Variants in NXPE2 observed in about 807,000 individuals in gnomAD.
NXPE2 encodes the protein NXPE family member 2.
In NXPE2, 34 loss-of-function variants were observed where a neutral mutation model predicts 34.4. The ratio of observed to expected loss-of-function variants is 0.99; its 90% CI spans 0.75 to 1.31. NXPE2 has a LOEUF of 1.31. Ranked by LOEUF, NXPE2 falls within the 40% of genes most tolerant of loss-of-function variation. NXPE2 has a pLI of 0.00. For missense variants in NXPE2, 649 were observed against 672.5 expected, an observed-to-expected ratio of 0.97 and a Z score of 0.39; for synonymous variants, 235 against 231.3, an observed-to-expected ratio of 1.02 and a Z score of -0.15.
the NXPE2 span, chr11:114,554,002 A>C: frequency 1.0e-6 from 1 of 985,396 alleles, no homozygotes; most frequent in Non-Finnish European, 1.2e-6. Flanking sequence ...GTCCAATTGC[A>C]ATGTTTTTTC....
At position 114,704,067 on chromosome 11, in the gene NXPE2, T is replaced by C. The variant is rs1279030272; in HGVS notation, c.928+15T>C. ...ACCATGCAACAGTAAGTCTGGAGTG[T>C]TGTTGTCTGCCATGATCACAATTTA... On this transcript the variant is annotated intron_variant, in intron 4 of 5. Coordinates refer to ENST00000389586, the MANE Select transcript of NXPE2 (RefSeq NM_182495.6). 1.3e-6 allele frequency: 2 copies of C among 1,537,144 alleles called. No homozygotes were observed. The highest frequency in any genetic ancestry group is 2.4e-5 in the South Asian group (2 of 83,556).
chr11:114,632,885 T>G, the NXPE2 span, among the ~76,000 whole-genome samples: 2 of 55,896 alleles, frequency 3.6e-5, no homozygotes, highest in South Asian at 1.1e-3. Context: ...TAATTATATA[T>G]TATATAATTT....
downstream of NXPE2, among the ~76,000 whole-genome samples, chr11:114,707,920 C>T (rs1246963445): frequency 6.6e-6 from 1 of 152,190 alleles, no homozygotes; most frequent in Non-Finnish European, 1.5e-5. Context: ...GTATGTACTA[C>T]ATTTTGTTTA....
At chr11:114,496,155 T>C in the NXPE2 span, among the ~76,000 whole-genome samples, 6 of 152,204 alleles carry the variant, frequency 3.9e-5, no homozygotes, top group Non-Finnish European at 8.8e-5. Context: ...CAGAGCTTTT[T>C]AGCCCATGGT....
the NXPE2 span, among the ~76,000 whole-genome samples, chr11:114,671,821 A>C: frequency 6.6e-6 from 1 of 152,018 alleles, no homozygotes; most frequent in Non-Finnish European, 1.5e-5. Flanking sequence ...AAAACAAGTG[A>C]CCACGGACAG....
At chr11:114,633,155 GTATTT>G in the NXPE2 span, among the ~76,000 whole-genome samples, 1 of 110,718 alleles carries the variant, frequency 9.0e-6, no homozygotes, top group Admixed American at 1.0e-4. Flanking sequence ...TATATATTTG[GTATTT>G]TATTTTATAT....
chr11:114,761,924 T>G, the NXPE2 span, among the ~76,000 whole-genome samples: 1 of 152,166 alleles, frequency 6.6e-6, no homozygotes, highest in South Asian at 2.1e-4. Context: ...AAAACTGATT[T>G]ATTAAGTTTT....
At chr11:114,781,378 GATTATC>G in the NXPE2 span, among the ~76,000 whole-genome samples, 5 of 152,196 alleles carry the variant, frequency 3.3e-5, no homozygotes, top group Non-Finnish European at 7.3e-5. Context: ...TTTGATGAGG[GATTATC>G]ATGATAAATC....
At chr11:114,587,602 G>C in the NXPE2 span, among the ~76,000 whole-genome samples, 7,959 of 152,278 alleles carry the variant, frequency 0.052, 689 homozygotes, top group African/African-American at 0.18. Context: ...ATTGCTATGG[G>C]TTATGCTTGC....
the NXPE2 span, among the ~76,000 whole-genome samples, chr11:114,665,151 T>A: frequency 6.6e-6 from 1 of 152,138 alleles, no homozygotes; most frequent in South Asian, 2.1e-4. Flanking sequence ...TGCCACATCT[T>A]TCCCATGTTC....
At chr11:114,805,693 CG>C in the NXPE2 span, among the ~76,000 whole-genome samples, 4 of 152,194 alleles carry the variant, frequency 2.6e-5, no homozygotes, top group Non-Finnish European at 5.9e-5. Flanking sequence ...ACAAAGCAGC[CG>C]GGAAGCTTGA....
the NXPE2 span, among the ~76,000 whole-genome samples, chr11:114,548,276 A>G: frequency 1.4e-3 from 215 of 152,280 alleles, 2 homozygotes; most frequent in South Asian, 6.0e-3. Context: ...TGCCAAGTGA[A>G]CAAAGTTAGT....
downstream of NXPE2, among the ~76,000 whole-genome samples, chr11:114,710,470 C>A (rs538040114): frequency 6.6e-6 from 1 of 152,112 alleles, no homozygotes; most frequent in East Asian, 1.9e-4. Context: ...AACAATTGTA[C>A]GCTAACAAAT....
the NXPE2 span, among the ~76,000 whole-genome samples, chr11:114,728,628 G>A: frequency 1.3e-5 from 2 of 152,122 alleles, no homozygotes; most frequent in African/African-American, 2.4e-5. Flanking sequence ...CTTTAAACCA[G>A]AGGCCAATGG....
At chr11:114,770,415 G>T in the NXPE2 span, among the ~76,000 whole-genome samples, 1 of 152,260 alleles carries the variant, frequency 6.6e-6, no homozygotes, top group South Asian at 2.1e-4. Flanking sequence ...GCGTGAGTGT[G>T]CATGATGCTT....
At chr11:114,662,239 AG>A in the NXPE2 span, among the ~76,000 whole-genome samples, 3 of 144,838 alleles carry the variant, frequency 2.1e-5, no homozygotes, top group African/African-American at 5.0e-5. Context: ...GGAGAGAGAG[AG>A]AGTGCACAGG....
chr11:114,625,510 C>A, the NXPE2 span, among the ~76,000 whole-genome samples: 2 of 151,986 alleles, frequency 1.3e-5, no homozygotes, highest in African/African-American at 4.8e-5. Context: ...ACCACTGTTA[C>A]CAGGTGGATA....
At chr11:114,585,096 A>C in the NXPE2 span, among the ~76,000 whole-genome samples, 1 of 151,982 alleles carries the variant, frequency 6.6e-6, no homozygotes, top group African/African-American at 2.4e-5. Context: ...CCTAAGTAAC[A>C]TCAGCCATTT....
chr11:114,679,890 T>C, intron 2 of NXPE2, 128 bp downstream of exon 2: 2 of 594,038 alleles, frequency 3.4e-6, no homozygotes, highest in Middle Eastern at 6.1e-4. Flanking sequence ...GGATCAGGGG[T>C]TCACTGTTCA....
Sources: allele counts gnomAD v4.1 joint callset (sites outside exome capture counted in the v4.1 genomes callset), GRCh38; gene constraint gnomAD v4.1.1; transcripts MANE v1.5; gene names NCBI Gene and HGNC (gene_info 2026-07-23, HGNC 2026-07-21).